The following TTC38 variants were observed in gnomAD, a reference collection of about 807,000 sequenced individuals.
TTC38 encodes tetratricopeptide repeat domain 38, also known as tetratricopeptide repeat protein 38.
TTC38 carries 64 observed loss-of-function variants against 64.2 expected under a neutral mutation model. The ratio of observed to expected loss-of-function variants is 1.00; its 90% CI spans 0.81 to 1.23. TTC38 has a LOEUF of 1.23. Ranked by LOEUF, TTC38 falls within the 50% of genes most tolerant of loss-of-function variation. The pLI, the probability that TTC38 is intolerant of heterozygous loss-of-function variation, is 0.00. For missense variants in TTC38, 573 were observed against 615.5 expected (o/e 0.93, Z 0.73); for synonymous variants, 254 against 249.3 (o/e 1.02, Z -0.18).
In TTC38 at chr22:46,288,275, G is replaced by A; in HGVS notation, c.917-148G>A. The A allele has an allele frequency of 3.8e-5, 27 of 706,472 alleles. 1 individual carries two copies. The highest frequency in any genetic ancestry group is 3.9e-4 in the Middle Eastern group (1 of 2,544). 43.8% of individuals were successfully genotyped at this position (706,472 alleles called of 1,614,324 possible). A position where few individuals can be genotyped will look rare whatever the true frequency, so the allele number is the denominator to read the frequency against. On this transcript the variant is annotated intron_variant, in intron 10 of 13. Coordinates refer to ENST00000381031, the MANE Select transcript of TTC38 (RefSeq NM_017931.4). ...TAGAGGCCTAAGCACAAGGCCAGAC[G>A]CTGCCCGTGGCCCTGCCCACCTCCC...
rs996854596 is a variant in TTC38 at position 46,271,736 on chromosome 22, C to T, written c.112-599C>T. On this transcript the variant is annotated intron_variant, in intron 2 of 13. Transcript: ENST00000381031. The surrounding 1 kb of genome is among the most constrained non-coding windows in gnomAD (Gnocchi z 5.5). ...ATGTTGGCCAGGCTGGTCTCAAACT[C>T]CTGCCCTCAAGTGATCCACCCGCCT... Among the ~76,000 whole-genome samples, 2 of 152,212 alleles carry T rather than the reference C, an allele frequency of 1.3e-5. No individual in the cohort carries two copies. Among genetic ancestry groups the T allele is most frequent in the African/African-American group, 4.8e-5 (2 of 41,462 alleles).
chr22:46,283,568 G>A (rs2077549780), intron 7 of TTC38, among the ~76,000 whole-genome samples: 1 of 152,132 alleles, frequency 6.6e-6, no homozygotes. Context: ...GATGGTTTCT[G>A]TGGCTAGGCG....
chr22:46,274,658 G>T lies in TTC38; in HGVS notation c.365+589G>T, dbSNP rs1244506890. 6.6e-6 allele frequency among the ~76,000 whole-genome samples: 1 copy of T among 152,160 alleles called. No homozygotes were observed. Among genetic ancestry groups the T allele is most frequent in the East Asian group, 1.9e-4 (1 of 5,192 alleles). On this transcript the variant is annotated intron_variant, in intron 4 of 13. Transcript: ENST00000381031. The surrounding 1 kb of genome is among the most constrained non-coding windows in gnomAD (Gnocchi z 4.8). ...GTCTTCCTGGTAAGTCAGCCCAGGT[G>T]TGGGTTCCACCTCAGAGACTTCCTG...
chr22:46,291,302 A>C lies in TTC38; in HGVS notation c.1316+1403A>C, dbSNP rs1027043043. Among the ~76,000 whole-genome samples, 1 of 152,160 alleles carries C rather than the reference A, an allele frequency of 6.6e-6. No individual in the cohort carries two copies. The highest frequency in any genetic ancestry group is 1.5e-5 in the Non-Finnish European group (1 of 68,028). ...CGGTGGGGAAAGTGGCTGTGTGGAC[A>C]GGAGGGCTGAGGATGGAGCTGGGGT... is the stretch of plus-strand genomic sequence containing the variant. On this transcript the variant is annotated intron_variant, in intron 13 of 13. Transcript: ENST00000381031. The surrounding 1 kb of genome is among the most constrained non-coding windows in gnomAD (Gnocchi z 4.6).
At chr22:46,291,000 G>A (rs984843798) in intron 13 of TTC38, among the ~76,000 whole-genome samples, 73 of 152,316 alleles carry the variant, frequency 4.8e-4, no homozygotes, top group African/African-American at 1.7e-3. Flanking sequence ...GGAGGCCCTT[G>A]GCTGGTGACA....
In TTC38 at chr22:46,291,282, G is replaced by A. The variant is rs2077613075; in HGVS notation, c.1316+1383G>A. ...GTTGGTGCCTCTGGCAGCAGCGGTG[G>A]GGAAAGTGGCTGTGTGGACAGGAGG... On this transcript the variant is annotated intron_variant, in intron 13 of 13. Coordinates refer to ENST00000381031, the MANE Select transcript of TTC38 (RefSeq NM_017931.4). The surrounding 1 kb of genome is among the most constrained non-coding windows in gnomAD (Gnocchi z 4.6). 6.6e-6 allele frequency among the ~76,000 whole-genome samples: 1 copy of A among 152,226 alleles called. No homozygotes were observed. The highest frequency in any genetic ancestry group is 1.5e-5 in the Non-Finnish European group (1 of 68,040).
chr22:46,284,118 C>A, intron 8 of TTC38, 86 bp downstream of exon 8: 4 of 1,146,472 alleles, frequency 3.5e-6, no homozygotes, highest in Non-Finnish European at 5.1e-6. Context: ...TATGTATTCA[C>A]ATCCGTTGGA....
chr22:46,271,875 T>G lies in TTC38; in HGVS notation c.112-460T>G, dbSNP rs1160170060. Reference sequence around the variant, plus strand: ...ATCCCTAGCCCTAGAAAGTGTGCCTTGGGTGATGTGTATTTCATTTCTTCG... The same window carrying G: ...ATCCCTAGCCCTAGAAAGTGTGCCTGGGGTGATGTGTATTTCATTTCTTCG... On this transcript the variant is annotated intron_variant, in intron 2 of 13. Transcript: ENST00000381031. This position sits in a 1 kb window ranked among gnomAD's most constrained non-coding sequence, Gnocchi z 5.5. Among the ~76,000 whole-genome samples, 2 of 152,230 alleles carry G rather than the reference T, an allele frequency of 1.3e-5. No homozygotes were observed. Among genetic ancestry groups the G allele is most frequent in the African/African-American group, 4.8e-5 (2 of 41,460 alleles).
intron 11 of TTC38, among the ~76,000 whole-genome samples, chr22:46,289,102 A>G (rs1427342090): frequency 6.6e-6 from 1 of 152,188 alleles, no homozygotes; most frequent in Non-Finnish European, 1.5e-5. Flanking sequence ...CTTTGCCTGT[A>G]TTATCAGCAA....
chr22:46,283,760 G>T (rs7284287), intron 7 of TTC38, among the ~76,000 whole-genome samples: 13,444 of 149,140 alleles, frequency 0.09, 1,283 homozygotes, highest in African/African-American at 0.25. Flanking sequence ...ACTGAGGCAG[G>T]AGAATTGCTT....
At chr22:46,290,638 T>C (rs1001395520) in intron 13 of TTC38, among the ~76,000 whole-genome samples, 7 of 114,514 alleles carry the variant, frequency 6.1e-5, no homozygotes, top group Non-Finnish European at 1.0e-4. Context: ...GGCTGGAAGG[T>C]GTGTTAGGGT....
At position 46,281,606 on chromosome 22, in the gene TTC38, CTATT is replaced by C; in HGVS notation, c.624_627del (p.Ile209ThrfsTer17). 1 of 1,614,078 alleles carries C rather than the reference CTATT, an allele frequency of 6.2e-7. No homozygotes were observed. The highest frequency in any genetic ancestry group is 1.1e-5 in the South Asian group (1 of 91,084). On this transcript the variant is annotated frameshift_variant, in exon 7 of 14. Coordinates refer to ENST00000381031, the MANE Select transcript of TTC38 (RefSeq NM_017931.4). LOFTEE classifies it high-confidence loss of function. This position sits in a 1 kb window ranked among gnomAD's most constrained non-coding sequence, Gnocchi z 5.2. ...TCCCCGCACCCTGCGTAGGCTTTAT[CTATT>C]AACCCGACAGACGCATGGTCGGTGC...
At position 46,273,798 on chromosome 22, in the gene TTC38, C is replaced by G; in HGVS notation, c.194-100C>G. On this transcript the variant is annotated intron_variant, in intron 3 of 13. Coordinates refer to ENST00000381031, the MANE Select transcript of TTC38 (RefSeq NM_017931.4). This position sits in a 1 kb window ranked among gnomAD's most constrained non-coding sequence, Gnocchi z 5.1. ...CAGCCTGCTGCTGCCTGGCTGGCCC[C>G]TCCTGGGACGTGGGGTGTCTCTGTG... The G allele has an allele frequency of 3.9e-6, 5 of 1,266,578 alleles. No homozygotes were observed. The highest frequency in any genetic ancestry group is 5.5e-6 in the Non-Finnish European group (5 of 901,066). 78.5% of individuals were successfully genotyped at this position (1,266,578 alleles called of 1,614,324 possible). A position where few individuals can be genotyped will look rare whatever the true frequency, so the allele number is the denominator to read the frequency against.
intron 1 of TTC38, among the ~76,000 whole-genome samples, chr22:46,268,301 C>T (rs1936807667): frequency 6.6e-6 from 1 of 152,234 alleles, no homozygotes; most frequent in Non-Finnish European, 1.5e-5. Context: ...GACCCCAAGA[C>T]CTCCTAAAAA....
intron 2 of TTC38, 132 bp downstream of exon 2, chr22:46,268,723 C>CT: frequency 1.1e-6 from 1 of 892,276 alleles, no homozygotes; most frequent in Non-Finnish European, 1.7e-6. Context: ...CTCGCTCTGT[C>CT]GCCCAGGCTG....
At position 46,275,981 on chromosome 22, in the gene TTC38, GAGA is replaced by G. The variant is rs973615245; in HGVS notation, c.539+566_539+568del. On this transcript the variant is annotated intron_variant, in intron 5 of 13. Coordinates refer to ENST00000381031, the MANE Select transcript of TTC38 (RefSeq NM_017931.4). The surrounding 1 kb of genome is among the most constrained non-coding windows in gnomAD (Gnocchi z 4.5). ...TACAGTTCTACCGTGTGCTTGGGAAGAGAAGAAGGCCTGGAATGTGCATGAACA... is the reference window on the plus strand; with the variant it reads ...TACAGTTCTACCGTGTGCTTGGGAAGAGAAGGCCTGGAATGTGCATGAACA... 5.3e-5 allele frequency among the ~76,000 whole-genome samples: 8 copies of G among 151,784 alleles called. No individual in the cohort carries two copies. Among genetic ancestry groups the G allele is most frequent in the African/African-American group, 1.9e-4 (8 of 41,426 alleles).
In TTC38 at chr22:46,275,551, A is replaced by G; in HGVS notation, c.539+130A>G. ...CTGTTGCTATTCTCCTAGTTCCTTA[A>G]AGTTCAAAGGCCTCATTTTCTTCAC... On this transcript the variant is annotated intron_variant, in intron 5 of 13. Transcript: ENST00000381031. The surrounding 1 kb of genome is among the most constrained non-coding windows in gnomAD (Gnocchi z 4.5). 1.1e-6 allele frequency: 1 copy of G among 899,148 alleles called. No individual in the cohort carries two copies. Among genetic ancestry groups the G allele is most frequent in the Non-Finnish European group, 1.7e-6 (1 of 600,864 alleles). 55.7% of individuals were successfully genotyped at this position (899,148 alleles called of 1,614,324 possible).
At chr22:46,290,533 C>CGTGGCTGG (rs2077606903) in intron 13 of TTC38, among the ~76,000 whole-genome samples, 1 of 125,518 alleles carries the variant, frequency 8.0e-6, no homozygotes, top group African/African-American at 3.5e-5. Flanking sequence ...TGTGTTAGGG[C>CGTGGCTGG]AGCGTGGCTG....
intron 13 of TTC38, among the ~76,000 whole-genome samples, chr22:46,290,255 C>A (rs1456761421): frequency 6.6e-6 from 1 of 152,216 alleles, no homozygotes; most frequent in Non-Finnish European, 1.5e-5. Context: ...CTCAGTTAGA[C>A]CTCAGCTCAT....
Sources: gnomAD v4.1 joint callset for allele counts (sites outside exome capture counted in the v4.1 genomes callset) on GRCh38, gnomAD v4.1.1 for gene constraint, Gnocchi (gnomAD v3.1) non-coding constraint, MANE v1.5 for transcripts, NCBI Gene and HGNC (gene_info 2026-07-23, HGNC 2026-07-21) for gene names.